Variants in SNTB2 observed in about 807,000 individuals in gnomAD.
SNTB2 encodes the protein syntrophin beta 2.
Under a neutral mutation model 46.2 loss-of-function variants are expected in SNTB2, and 34 were observed. That is an observed-to-expected ratio of 0.74 (90% confidence interval 0.56 to 0.98). The LOEUF is 0.98. Among genes scored for constraint, SNTB2 ranks in the 50% least tolerant of loss-of-function variants. SNTB2 has a pLI of 0.00. For synonymous variants in SNTB2, 290 were observed against 312.6 expected, an observed-to-expected ratio of 0.93 and a Z score of 0.76; for missense variants, 603 against 731.4, an observed-to-expected ratio of 0.82 and a Z score of 2.02.
chr16:69,245,622 A>G lies in SNTB2; in HGVS notation c.601A>G (p.Thr201Ala). 6.2e-7 allele frequency: 1 copy of G among 1,614,042 alleles called. No homozygotes were observed. Among genetic ancestry groups the G allele is most frequent in the Non-Finnish European group, 8.5e-7 (1 of 1,179,934 alleles). The change falls in exon 2 of 7, where the codon ACA becomes GCA. Residue 201 changes from threonine (T) to alanine (A), a missense_variant. Around this residue, in one of 2 missense-constraint regions of SNTB2, gnomAD observed 537 missense variants for 692.4 expected, o/e 0.78. Transcript: ENST00000336278. ...CATAGTCAAGTTCATCCGAGAAGTA[A>G]CACCATATATCAAGAAGCCATCATT... ...LLEVKFIREV[T>A]PYIKKPSLVS...
intron 4 of SNTB2, among the ~76,000 whole-genome samples, chr16:69,271,915 T>C (rs1964941255): frequency 6.6e-6 from 1 of 152,200 alleles, no homozygotes; most frequent in African/African-American, 2.4e-5. Context: ...CAAAGCACTT[T>C]GGTACTAAAG....
chr16:69,206,484 G>A (rs931613753), intron 1 of SNTB2, among the ~76,000 whole-genome samples: 1 of 151,940 alleles, frequency 6.6e-6, no homozygotes, highest in African/African-American at 2.4e-5. Flanking sequence ...GGTGGATCGG[G>A]AGTTCGAGAC....
At chr16:69,194,476 G>C (rs1217450914) in intron 1 of SNTB2, among the ~76,000 whole-genome samples, 1 of 152,092 alleles carries the variant, frequency 6.6e-6, no homozygotes, top group Non-Finnish European at 1.5e-5. Context: ...TTGCCGGCTG[G>C]TATAGTATAG....
chr16:69,298,652 G>T (rs563275094), intron 5 of SNTB2, among the ~76,000 whole-genome samples: 1 of 150,732 alleles, frequency 6.6e-6, no homozygotes, highest in South Asian at 2.1e-4. Context: ...CTCCCAAGTA[G>T]CTGGGATTAC....
At chr16:69,217,803 A>C (rs1964362834) in intron 1 of SNTB2, among the ~76,000 whole-genome samples, 2 of 152,196 alleles carry the variant, frequency 1.3e-5, no homozygotes, top group Admixed American at 1.3e-4. Context: ...CTTAGGTTTC[A>C]GTTTAAATAT....
intron 1 of SNTB2, chr16:69,235,778 A>G (rs1964553993): frequency 7.8e-7 from 1 of 1,289,352 alleles, no homozygotes; most frequent in Non-Finnish European, 1.0e-6. Flanking sequence ...TGTCTGACCA[A>G]TATCAGGGGC....
chr16:69,226,203 C>T (rs998576405), intron 1 of SNTB2, among the ~76,000 whole-genome samples: 1 of 152,102 alleles, frequency 6.6e-6, no homozygotes, highest in African/African-American at 2.4e-5. Flanking sequence ...TCCCAAGTAG[C>T]TGGGAATACA....
At chr16:69,249,438 C>A (rs1187297181) in intron 2 of SNTB2, among the ~76,000 whole-genome samples, 1 of 152,034 alleles carries the variant, frequency 6.6e-6, no homozygotes, top group Non-Finnish European at 1.5e-5. Context: ...TGGGAGTGGG[C>A]AAAGAAGGAA....
intron 1 of SNTB2, among the ~76,000 whole-genome samples, chr16:69,214,133 T>TA (rs1404366623): frequency 6.7e-6 from 1 of 148,890 alleles, no homozygotes; most frequent in Non-Finnish European, 1.5e-5. Context: ...TTTTATTTTT[T>TA]TTTTTTTTAT....
rs1269537945 is a variant in SNTB2 at position 69,303,582 on chromosome 16, TG to T, written c.*2659del. 3 of 152,670 alleles carry T rather than the reference TG, an allele frequency of 2.0e-5. No homozygotes were observed. The highest frequency in any genetic ancestry group is 7.2e-5 in the African/African-American group (3 of 41,456). 9.5% of individuals were successfully genotyped at this position (152,670 alleles called of 1,614,324 possible). A position where few individuals can be genotyped will look rare whatever the true frequency, so the allele number is the denominator to read the frequency against. On this transcript the variant is annotated 3_prime_UTR_variant, in exon 7 of 7. Coordinates refer to ENST00000336278, the MANE Select transcript of SNTB2 (RefSeq NM_006750.4). Reference sequence around the variant, plus strand: ...ATATCTTTTGAGTCTTGCTGTGAAATGAAAGTGTGGGAGGTTTCCTTTGTCC... The same window carrying T: ...ATATCTTTTGAGTCTTGCTGTGAAATAAAGTGTGGGAGGTTTCCTTTGTCC...
At chr16:69,212,261 G>A (rs1028355776) in intron 1 of SNTB2, among the ~76,000 whole-genome samples, 1 of 152,112 alleles carries the variant, frequency 6.6e-6, no homozygotes, top group African/African-American at 2.4e-5. Flanking sequence ...GGTGTCCTAT[G>A]TGAAACCTTT....
intron 2 of SNTB2, among the ~76,000 whole-genome samples, chr16:69,249,073 T>G (rs1348845741): frequency 6.7e-6 from 1 of 149,744 alleles, no homozygotes; most frequent in African/African-American, 2.5e-5. Flanking sequence ...TCGCCTAGGC[T>G]AGAGTACAAT....
At position 69,280,552 on chromosome 16, in the gene SNTB2, C is replaced by T. The variant is rs867143079; in HGVS notation, c.1149-3496C>T. Among the ~76,000 whole-genome samples the T allele has an allele frequency of 3.2e-3, 483 of 150,604 alleles. 3 individuals carry two copies. The highest frequency in any genetic ancestry group is 0.011 in the African/African-American group (430 of 40,838). On this transcript the variant is annotated intron_variant, in intron 4 of 6. Coordinates refer to ENST00000336278, the MANE Select transcript of SNTB2 (RefSeq NM_006750.4). ...GCCGGGCGGGGGGCTCACACCCCCA[C>T]CTCCCTCCCGGACGGGGCGGCTGGC... is the stretch of plus-strand genomic sequence containing the variant.
At chr16:69,208,129 G>A (rs572895522) in intron 1 of SNTB2, among the ~76,000 whole-genome samples, 11 of 131,338 alleles carry the variant, frequency 8.4e-5, no homozygotes, top group Middle Eastern at 6.2e-3. Flanking sequence ...AAAAAAAGCC[G>A]GGCACGGTGG....
intron 5 of SNTB2, among the ~76,000 whole-genome samples, chr16:69,285,320 C>G (rs931813696): frequency 1.3e-5 from 2 of 149,590 alleles, no homozygotes; most frequent in African/African-American, 4.9e-5. Flanking sequence ...TTTATAATAC[C>G]GTATGTACAA....
chr16:69,232,292 G>A (rs1195118062), intron 1 of SNTB2, among the ~76,000 whole-genome samples: 2 of 147,838 alleles, frequency 1.4e-5, no homozygotes, highest in East Asian at 3.9e-4. Context: ...TGCAACCTCT[G>A]CCTCCTAGGT....
chr16:69,298,387 C>G (rs2143204212), intron 5 of SNTB2, among the ~76,000 whole-genome samples: 1 of 152,204 alleles, frequency 6.6e-6, no homozygotes, highest in East Asian at 1.9e-4. Flanking sequence ...ATCTTCATCC[C>G]AAATGCCAAC....
chr16:69,253,447 A>G (rs891460762), intron 2 of SNTB2, among the ~76,000 whole-genome samples: 1 of 151,596 alleles, frequency 6.6e-6, no homozygotes, highest in African/African-American at 2.4e-5. Context: ...CAGGAGATCG[A>G]GACCATCCTG....
chr16:69,249,259 C>G (rs1317020302), intron 2 of SNTB2, among the ~76,000 whole-genome samples: 1 of 152,034 alleles, frequency 6.6e-6, no homozygotes. Context: ...CTCCTAGATT[C>G]CAGCAATCTA....
Sources: allele counts gnomAD v4.1 joint callset (sites outside exome capture counted in the v4.1 genomes callset), GRCh38; gene constraint gnomAD v4.1.1; regional missense constraint gnomAD v4.1.1; transcripts MANE v1.5; gene names NCBI Gene and HGNC (gene_info 2026-07-23, HGNC 2026-07-21).